The following CFAP263 variants were observed in gnomAD, a reference collection of about 807,000 sequenced individuals.
The protein encoded by CFAP263 is cilia and flagella associated protein 263.
the CFAP263 span, chr16:58,267,462 G>T: frequency 6.4e-7 from 1 of 1,553,770 alleles, no homozygotes; most frequent in Non-Finnish European, 8.9e-7. Context: ...AAGACTTGCT[G>T]TGTTGTTATA....
chr16:58,267,641 G>C, the CFAP263 span: 7 of 1,118,180 alleles, frequency 6.3e-6, no homozygotes, highest in Non-Finnish European at 9.5e-6. Context: ...TGTTTATAAG[G>C]GCTTGAGTCA....
chr16:58,267,238 A>G, the CFAP263 span, among the ~76,000 whole-genome samples: 1 of 152,158 alleles, frequency 6.6e-6, no homozygotes, highest in African/African-American at 2.4e-5. Flanking sequence ...GTAGGGCAGG[A>G]TTTAGGTCCC....
chr16:58,268,186 C>G, the CFAP263 span, among the ~76,000 whole-genome samples: 1 of 152,190 alleles, frequency 6.6e-6, no homozygotes, highest in African/African-American at 2.4e-5. Flanking sequence ...ACTCCAAGGC[C>G]TGTGGTCACT....
the CFAP263 span, among the ~76,000 whole-genome samples, chr16:58,266,405 A>ATTTTTTT: frequency 6.4e-5 from 2 of 31,430 alleles, no homozygotes; most frequent in African/African-American, 1.2e-4. Flanking sequence ...ATATATATAT[A>ATTTTTTT]TTTTTTTTTT....
chr16:58,259,220 A>G, the CFAP263 span, among the ~76,000 whole-genome samples: 2,210 of 152,130 alleles, frequency 0.015, 69 homozygotes, highest in African/African-American at 0.05. Context: ...TCTTTTTCAA[A>G]ATTTTAAAAA....
At chr16:58,279,334 C>T in the CFAP263 span, among the ~76,000 whole-genome samples, 64 of 152,294 alleles carry the variant, frequency 4.2e-4, 3 homozygotes, top group Middle Eastern at 6.8e-3. Context: ...TCCTGTGTTA[C>T]TTTGTCCTGC....
chr16:58,260,016 A>G, the CFAP263 span: 1 of 807,840 alleles, frequency 1.2e-6, no homozygotes, highest in Non-Finnish European at 2.0e-6. Context: ...CCCCCACCCC[A>G]AAATATCCAT....
the CFAP263 span, chr16:58,254,051 C>A: frequency 6.2e-7 from 1 of 1,614,188 alleles, no homozygotes; most frequent in Non-Finnish European, 8.5e-7. Flanking sequence ...GTGGGGTAGG[C>A]CTGACTGCCG....
chr16:58,256,059 T>C, the CFAP263 span, among the ~76,000 whole-genome samples: 88 of 152,356 alleles, frequency 5.8e-4, 1 homozygote, highest in Admixed American at 3.6e-3. Flanking sequence ...TAGATACTTC[T>C]GTTCTATTTC....
chr16:58,269,246 G>A, the CFAP263 span, among the ~76,000 whole-genome samples: 1 of 152,176 alleles, frequency 6.6e-6, no homozygotes, highest in Non-Finnish European at 1.5e-5. Context: ...GAGGAGAATT[G>A]CTTGAGCCTA....
At chr16:58,267,562 A>G in the CFAP263 span, 1 of 1,612,244 alleles carries the variant, frequency 6.2e-7, no homozygotes, top group Non-Finnish European at 8.5e-7. Flanking sequence ...AAAAAATTGA[A>G]AAAGAAACAC....
chr16:58,274,210 T>C, the CFAP263 span, among the ~76,000 whole-genome samples: 21,775 of 152,246 alleles, frequency 0.14, 1,677 homozygotes, highest in East Asian at 0.2. Context: ...CTCAGAGGGC[T>C]CTTCTTAGTG....
the CFAP263 span, among the ~76,000 whole-genome samples, chr16:58,272,598 A>T: frequency 2.6e-5 from 4 of 152,358 alleles, no homozygotes; most frequent in Middle Eastern, 3.4e-3. Context: ...AAGATACGGC[A>T]TTATAATCTT....
the CFAP263 span, chr16:58,250,037 G>A: frequency 2.5e-6 from 4 of 1,596,848 alleles, no homozygotes; most frequent in Non-Finnish European, 3.4e-6. Flanking sequence ...GAGTCCGAGA[G>A]CGTCCTCTCC....
chr16:58,260,581 A>C, the CFAP263 span, among the ~76,000 whole-genome samples: 1 of 152,164 alleles, frequency 6.6e-6, no homozygotes, highest in Non-Finnish European at 1.5e-5. Context: ...TGGCACAGTT[A>C]TATGTGCTTT....
the CFAP263 span, chr16:58,281,434 C>G: frequency 6.6e-6 from 1 of 152,404 alleles, no homozygotes; most frequent in Admixed American, 6.5e-5. Flanking sequence ...AGAATATTAG[C>G]TACCATCATC....
At chr16:58,266,951 C>A in the CFAP263 span, among the ~76,000 whole-genome samples, 1 of 152,176 alleles carries the variant, frequency 6.6e-6, no homozygotes, top group African/African-American at 2.4e-5. Context: ...CCCCTGGTCT[C>A]TGTGACCTTG....
chr16:58,279,661 T>G, the CFAP263 span: 5 of 1,468,852 alleles, frequency 3.4e-6, no homozygotes, highest in East Asian at 1.2e-4. Context: ...TTTATCATTT[T>G]TTTTCTTTTT....
the CFAP263 span, among the ~76,000 whole-genome samples, chr16:58,277,243 C>T: frequency 2.0e-5 from 3 of 151,892 alleles, no homozygotes; most frequent in Non-Finnish European, 2.9e-5. Flanking sequence ...ATTCTCCTGC[C>T]TCAGCCTCCC....
Sources: gnomAD v4.1 joint callset for allele counts (sites outside exome capture counted in the v4.1 genomes callset) on GRCh38, gnomAD v4.1.1 for gene constraint, MANE v1.5 for transcripts, NCBI Gene and HGNC (gene_info 2026-07-23, HGNC 2026-07-21) for gene names.